The following KIF1A variants were observed in gnomAD, a reference collection of about 807,000 sequenced individuals.
KIF1A encodes the protein kinesin family member 1A, also known as kinesin-like protein KIF1A.
Under a neutral mutation model 227.3 loss-of-function variants are expected in KIF1A, and 46 were observed. The ratio of observed to expected loss-of-function variants is 0.20; its 90% CI spans 0.16 to 0.26. The LOEUF (loss-of-function observed/expected upper bound fraction) is 0.26, where lower values mean the gene tolerates loss of function less well. Among genes scored for constraint, KIF1A ranks in the 10% least tolerant of loss-of-function variants. The pLI is 1.00. For synonymous variants in KIF1A, 1,022 were observed against 1,012.8 expected (o/e 1.01, Z -0.17); for missense variants, 1,683 against 2,485.9 (o/e 0.68, Z 6.87).
At chr2:240,717,983 T>C in intron 48 of KIF1A, 67 bp downstream of exon 48, 1 of 1,012,782 alleles carries the variant, frequency 9.9e-7, no homozygotes, top group Non-Finnish European at 1.5e-6. Context: ...TATCAAATGG[T>C]CCTGGCCAGG....
At chr2:240,733,911 C>T (rs1213898326) in intron 38 of KIF1A, among the ~76,000 whole-genome samples, 3 of 152,238 alleles carry the variant, frequency 2.0e-5, no homozygotes, top group African/African-American at 7.2e-5. Flanking sequence ...CTCGAGTTCT[C>T]ACCAGTGCCT....
Position 240,717,224 on chromosome 2 carries a change from C to T in KIF1A, c.*140G>A. ...TGGTCGTGTGGCACAGGTCCCCGGG[C>T]CTGGCATGGGCGTCCCCTGGGGGGT... On this transcript the variant is annotated 3_prime_UTR_variant, in exon 49 of 49. Coordinates refer to ENST00000498729, the MANE Select transcript of KIF1A (RefSeq NM_001244008.2). 1 of 721,266 alleles carries T rather than the reference C, an allele frequency of 1.4e-6. No homozygotes were observed. The highest frequency in any genetic ancestry group is 2.3e-6 in the Non-Finnish European group (1 of 427,216). 44.7% of individuals were successfully genotyped at this position (721,266 alleles called of 1,614,324 possible). A position where few individuals can be genotyped will look rare whatever the true frequency, so the allele number is the denominator to read the frequency against.
In KIF1A at chr2:240,758,466, C is replaced by G; in HGVS notation, c.2476G>C (p.Asp826His). Residue 826 changes from aspartate (D) to histidine (H), a missense_variant, in exon 26 of 49, where the codon GAC (aspartate) becomes CAC (histidine). By Grantham distance (81) the Asp-to-His change is moderately conservative (BLOSUM62 -1). Coordinates refer to ENST00000498729, the MANE Select transcript of KIF1A (RefSeq NM_001244008.2). The surrounding 1 kb of genome is among the most constrained non-coding windows in gnomAD (Gnocchi z 5.2). ...QRLDLMREMY[D>H]RAAEVPSSVI... ...CTGGAGGGCACCTCTGCAGCGCGGT[C>G]GTACATCTCCCGCATCAGGTCCAGA... is the stretch of plus-strand genomic sequence containing the variant. 6.2e-7 allele frequency: 1 copy of G among 1,605,336 alleles called. No homozygotes were observed. The highest frequency in any genetic ancestry group is 8.5e-7 in the Non-Finnish European group (1 of 1,175,670).
In KIF1A at chr2:240,745,423, G is replaced by C; in HGVS notation, c.3465+4C>G. The C allele has an allele frequency of 2.5e-6, 4 of 1,608,530 alleles. No individual in the cohort carries two copies. The highest frequency in any genetic ancestry group is 3.4e-6 in the Non-Finnish European group (4 of 1,175,232). On this transcript the variant is annotated splice_donor_region_variant and intron_variant, in intron 32 of 48. Coordinates refer to ENST00000498729, the MANE Select transcript of KIF1A (RefSeq NM_001244008.2). ...GGGATGGGGAGAAGTGCCCAGGAAC[G>C]TACGTTCTGGACGTGGTAGAAGCCA...
chr2:240,787,945 C>A, intron 4 of KIF1A, 106 bp downstream of exon 4: 2 of 1,126,916 alleles, frequency 1.8e-6, no homozygotes, highest in Non-Finnish European at 2.5e-6. Context: ...TCCTGACTCC[C>A]TGCTCTCTGG....
At chr2:240,748,693 C>CT (rs1176076254) in intron 28 of KIF1A, 1 of 334,804 alleles carries the variant, frequency 3.0e-6, no homozygotes, top group Non-Finnish European at 6.3e-6. Context: ...GGGCCCTTCC[C>CT]TGGTGTTCAC....
At chr2:240,718,300 A>G in intron 47 of KIF1A, 132 bp from the exon 48 acceptor site, 1 of 716,302 alleles carries the variant, frequency 1.4e-6, no homozygotes, top group South Asian at 1.6e-5. Flanking sequence ...CACGGAGGGG[A>G]CAAAGAGGGG....
upstream of KIF1A, among the ~76,000 whole-genome samples, chr2:240,820,665 G>T (rs949935457): frequency 9.9e-5 from 15 of 151,286 alleles, no homozygotes; most frequent in African/African-American, 3.7e-4. This position sits in a 1 kb window ranked among gnomAD's most constrained non-coding sequence, Gnocchi z 6.2. Context: ...CAGACGCATC[G>T]TGGGGGGCGG....
intron 20 of KIF1A, among the ~76,000 whole-genome samples, chr2:240,763,638 T>C (rs888413233): frequency 3.3e-5 from 5 of 152,252 alleles, no homozygotes; most frequent in Admixed American, 6.5e-5. Flanking sequence ...AGCCTTGTAC[T>C]TGCCTCCTGC....
chr2:240,764,526 C>T (rs567170977), intron 20 of KIF1A, among the ~76,000 whole-genome samples: 4 of 152,304 alleles, frequency 2.6e-5, no homozygotes, highest in African/African-American at 7.2e-5. Context: ...AAGACTCCTC[C>T]GAAAGCCTTC....
At position 240,786,186 on chromosome 2, in the gene KIF1A, C is replaced by T. The variant is rs989717213; in HGVS notation, c.608+149G>A. 59 of 740,384 alleles carry T rather than the reference C, an allele frequency of 8.0e-5. 1 individual carries two copies. The highest frequency in any genetic ancestry group is 1.3e-4 in the Non-Finnish European group (59 of 446,756). 45.9% of individuals were successfully genotyped at this position (740,384 alleles called of 1,614,324 possible). ...CGGCCTCTCTCGGGCTGGCACAGGC[C>T]TAAACGACCTCGGGCTCAGGAGGCC... On this transcript the variant is annotated intron_variant, in intron 6 of 48. Transcript: ENST00000498729.
chr2:240,766,747 T>A lies in KIF1A; in HGVS notation c.1684+168A>T, dbSNP rs35734942. ...ATCTCTCTCTCTCTCTCTCTCTCTCTCTCACACACACACACACACACACAC... is the reference window on the plus strand; with the variant it reads ...ATCTCTCTCTCTCTCTCTCTCTCTCACTCACACACACACACACACACACAC... On this transcript the variant is annotated intron_variant, in intron 19 of 48. Coordinates refer to ENST00000498729, the MANE Select transcript of KIF1A (RefSeq NM_001244008.2). The surrounding 1 kb of genome is among the most constrained non-coding windows in gnomAD (Gnocchi z 5.0). Among the ~76,000 whole-genome samples the A allele has an allele frequency of 0.27, 31,801 of 116,272 alleles. 4,181 individuals are homozygous for A. The highest frequency in any genetic ancestry group is 0.48 in the East Asian group (1,637 of 3,408). 76.3% of individuals were successfully genotyped at this position (116,272 alleles called of 152,430 possible). A position where few individuals can be genotyped will look rare whatever the true frequency, so the allele number is the denominator to read the frequency against.
rs1323083079 is a variant in KIF1A, at chr2:240,722,907, G to C, written c.4465-251C>G. On this transcript the variant is annotated intron_variant, in intron 42 of 48. Coordinates refer to ENST00000498729, the MANE Select transcript of KIF1A (RefSeq NM_001244008.2). ...GGCAGCAAGCAAGCTGCTCCTCTCA[G>C]ACACATCCATCTCACGCGCCAGGTT... Among the ~76,000 whole-genome samples, 3 of 152,298 alleles carry C rather than the reference G, an allele frequency of 2.0e-5. No homozygotes were observed. The East Asian group carries it at 5.8e-4, about 30-fold the overall frequency.
chr2:240,797,762 C>T lies in KIF1A; in HGVS notation c.-10G>A. The T allele has an allele frequency of 6.3e-7, 1 of 1,590,822 alleles. No individual in the cohort carries two copies. Among genetic ancestry groups the T allele is most frequent in the Non-Finnish European group, 8.6e-7 (1 of 1,164,284 alleles). ...CCGAAGCCCCGGCCATCTCTGTGGC[C>T]TTCGTGGGTCACTCCTCGCAGTAGT... On this transcript the variant is annotated 5_prime_UTR_variant, in exon 2 of 49. Transcript: ENST00000498729.
chr2:240,791,808 G>T (rs2055740295), intron 2 of KIF1A, among the ~76,000 whole-genome samples: 1 of 152,132 alleles, frequency 6.6e-6, no homozygotes, highest in South Asian at 2.1e-4. Context: ...AGTTGCAGCT[G>T]TAAATGGCCC....
At chr2:240,744,854 C>T (rs2048398969) in intron 32 of KIF1A, among the ~76,000 whole-genome samples, 2 of 152,208 alleles carry the variant, frequency 1.3e-5, no homozygotes, top group Non-Finnish European at 2.9e-5. Context: ...CGTGGCCTGG[C>T]ACTCAAGGCC....
At chr2:240,767,393 T>C (rs2125927769) in intron 17 of KIF1A, 48 bp from the exon 18 acceptor site, 1 of 1,481,240 alleles carries the variant, frequency 6.8e-7, no homozygotes, top group Non-Finnish European at 9.4e-7. Context: ...GGCAGGAGCC[T>C]GATGCTGGCC....
intron 1 of KIF1A, among the ~76,000 whole-genome samples, chr2:240,809,029 C>T (rs922853705): frequency 6.6e-6 from 1 of 152,112 alleles, no homozygotes; most frequent in Non-Finnish European, 1.5e-5. Flanking sequence ...CACGCCCAGC[C>T]GTCACTAACT....
intron 1 of KIF1A, among the ~76,000 whole-genome samples, chr2:240,799,500 T>C (rs1044823778): frequency 6.6e-6 from 1 of 152,212 alleles, no homozygotes; most frequent in Admixed American, 6.5e-5. Flanking sequence ...CCACAGCCCC[T>C]TAGAGCCACC....
Sources: gnomAD v4.1 joint callset for allele counts (sites outside exome capture counted in the v4.1 genomes callset) on GRCh38, gnomAD v4.1.1 for gene constraint, Gnocchi (gnomAD v3.1) non-coding constraint, MANE v1.5 for transcripts, NCBI Gene and HGNC (gene_info 2026-07-23, HGNC 2026-07-21) for gene names.